Variants in B3GALT1 observed in about 807,000 individuals in gnomAD.
The protein encoded by B3GALT1 is beta-1,3-galactosyltransferase 1.
In B3GALT1, 10 loss-of-function variants were observed where a neutral mutation model predicts 23.2. The observed-to-expected ratio is 0.43, with a 90% CI of 0.27 to 0.73. The LOEUF is 0.73. Among genes scored for constraint, B3GALT1 ranks in the 30% least tolerant of loss-of-function variants. The pLI is 0.21. For missense variants in B3GALT1, 299 were observed against 405.4 expected (o/e 0.74, Z 2.25); for synonymous variants, 156 against 141.5 (o/e 1.10, Z -0.73).
At chr2:167,653,437 T>G (rs1402631503) in intron 3 of B3GALT1, among the ~76,000 whole-genome samples, 1 of 152,182 alleles carries the variant, frequency 6.6e-6, no homozygotes, top group East Asian at 1.9e-4. Flanking sequence ...TCACTGTTAA[T>G]TATTTTTTAA....
chr2:167,820,321 G>A lies in B3GALT1; in HGVS notation c.-230+1528G>A, dbSNP rs576335903. On this transcript the variant is annotated intron_variant, in intron 4 of 4. Coordinates refer to ENST00000392690, the MANE Select transcript of B3GALT1 (RefSeq NM_020981.4). ...AGGTGGAACCTGCTTTAGAAAGGGT[G>A]GTTAGGGGAGGTGTGAGAGTCAAGA... 1.3e-3 allele frequency among the ~76,000 whole-genome samples: 203 copies of A among 152,328 alleles called. 2 individuals carry two copies. Among genetic ancestry groups the A allele is most frequent in the Middle Eastern group, 6.8e-3 (2 of 294 alleles).
chr2:167,392,627 AT>A (rs572157169), intron 1 of B3GALT1, among the ~76,000 whole-genome samples: 501 of 152,318 alleles, frequency 3.3e-3, no homozygotes, highest in African/African-American at 0.011. Context: ...TATCTTTTAA[AT>A]CAAGTAAAAA....
chr2:167,470,820 A>G (rs1699410643), intron 1 of B3GALT1, among the ~76,000 whole-genome samples: 1 of 152,226 alleles, frequency 6.6e-6, no homozygotes, highest in Non-Finnish European at 1.5e-5. Flanking sequence ...TGTGCAAAGC[A>G]CTGAGGAAAT....
At chr2:167,668,754 C>T (rs946229598) in intron 3 of B3GALT1, among the ~76,000 whole-genome samples, 1 of 152,208 alleles carries the variant, frequency 6.6e-6, no homozygotes, top group Admixed American at 6.5e-5. Flanking sequence ...GGAAAGGGAA[C>T]TCCCTGACCC....
At chr2:167,382,143 A>G (rs1697854955) in intron 1 of B3GALT1, among the ~76,000 whole-genome samples, 1 of 152,212 alleles carries the variant, frequency 6.6e-6, no homozygotes, top group Admixed American at 6.5e-5. Flanking sequence ...TTATCAAGTC[A>G]CTTCTTAATC....
At chr2:167,802,679 T>A (rs1331849787) in intron 3 of B3GALT1, among the ~76,000 whole-genome samples, 2 of 152,236 alleles carry the variant, frequency 1.3e-5, no homozygotes, top group Admixed American at 6.5e-5. Context: ...ATCTATTATA[T>A]CTCCATCGTA....
At chr2:167,569,886 T>A (rs1334630871) in intron 2 of B3GALT1, among the ~76,000 whole-genome samples, 3 of 151,934 alleles carry the variant, frequency 2.0e-5, no homozygotes. Context: ...TTGAATTATG[T>A]CAAATGATTA....
intron 2 of B3GALT1, among the ~76,000 whole-genome samples, chr2:167,549,237 T>C (rs566380936): frequency 4.6e-5 from 7 of 152,320 alleles, no homozygotes; most frequent in Admixed American, 6.5e-5. Context: ...CTCACAAACT[T>C]AGGCAGGTGT....
intron 2 of B3GALT1, among the ~76,000 whole-genome samples, chr2:167,586,010 A>C (rs1022237370): frequency 1.6e-4 from 25 of 152,346 alleles, no homozygotes; most frequent in Admixed American, 3.9e-4. Flanking sequence ...CTTAATACCT[A>C]GGGCAGCACA....
intron 2 of B3GALT1, among the ~76,000 whole-genome samples, chr2:167,602,084 T>G (rs1218808656): frequency 6.6e-6 from 1 of 152,174 alleles, no homozygotes; most frequent in African/African-American, 2.4e-5. Context: ...TAACCACAAT[T>G]TTTTAAAACA....
chr2:167,810,233 G>A (rs1233830821), intron 3 of B3GALT1, among the ~76,000 whole-genome samples: 1 of 151,072 alleles, frequency 6.6e-6, no homozygotes, highest in African/African-American at 2.5e-5. Context: ...CTTCCTGGGT[G>A]AGGTGATGCC....
At chr2:167,699,547 T>C (rs1308696083) in intron 3 of B3GALT1, among the ~76,000 whole-genome samples, 2 of 152,048 alleles carry the variant, frequency 1.3e-5, no homozygotes, top group Non-Finnish European at 2.9e-5. Context: ...ATTACAAGTA[T>C]GTATTTAGTC....
intron 2 of B3GALT1, among the ~76,000 whole-genome samples, chr2:167,545,217 A>G (rs1158173068): frequency 1.3e-5 from 2 of 151,506 alleles, no homozygotes; most frequent in South Asian, 2.1e-4. Flanking sequence ...TTGTATTTTT[A>G]GTAGAGACAG....
At chr2:167,618,748 A>G (rs1685206001) in intron 2 of B3GALT1, among the ~76,000 whole-genome samples, 1 of 151,972 alleles carries the variant, frequency 6.6e-6, no homozygotes, top group South Asian at 2.1e-4. Context: ...TTTTGTATTA[A>G]TAGAATGTCT....
At chr2:167,323,553 A>G (rs930953597) in intron 1 of B3GALT1, among the ~76,000 whole-genome samples, 3 of 152,142 alleles carry the variant, frequency 2.0e-5, no homozygotes, top group African/African-American at 7.2e-5. Flanking sequence ...AAGAATGAGT[A>G]TGTATAGTCA....
intron 3 of B3GALT1, among the ~76,000 whole-genome samples, chr2:167,707,115 T>C (rs1426198769): frequency 6.6e-6 from 1 of 152,164 alleles, no homozygotes; most frequent in African/African-American, 2.4e-5. Context: ...CACCTCCTGG[T>C]TGACAGCTAG....
rs139418342 is a variant in B3GALT1, at chr2:167,570,401, G to T, written c.-409-76508G>T. On this transcript the variant is annotated intron_variant, in intron 2 of 4. Coordinates refer to ENST00000392690, the MANE Select transcript of B3GALT1 (RefSeq NM_020981.4). ...GGCAGATTGTGTTTTCAAGGAATGG[G>T]TCCATTTCACCTAGGTCATCAAATT... 5.3e-5 allele frequency among the ~76,000 whole-genome samples: 8 copies of T among 151,854 alleles called. No homozygotes were observed. In the East Asian group the frequency reaches 1.4e-3, roughly 26 times the overall value.
intron 1 of B3GALT1, among the ~76,000 whole-genome samples, chr2:167,305,932 C>G (rs952974433): frequency 6.6e-6 from 1 of 152,018 alleles, no homozygotes; most frequent in African/African-American, 2.4e-5. Flanking sequence ...TAATCATGTT[C>G]TGTGTTGGCA....
chr2:167,557,967 T>C (rs1303762682), intron 2 of B3GALT1, among the ~76,000 whole-genome samples: 1 of 152,200 alleles, frequency 6.6e-6, no homozygotes, highest in Non-Finnish European at 1.5e-5. Context: ...CAGCCCACAA[T>C]GCATTTAATC....
Sources: allele counts gnomAD v4.1 joint callset (sites outside exome capture counted in the v4.1 genomes callset), GRCh38; gene constraint gnomAD v4.1.1; transcripts MANE v1.5; gene names NCBI Gene and HGNC (gene_info 2026-07-23, HGNC 2026-07-21).